The following C18orf63 variants were observed in gnomAD, a reference collection of about 807,000 sequenced individuals.
The protein encoded by C18orf63 is uncharacterized protein C18orf63.
A neutral mutation model predicts 75.3 loss-of-function variants in C18orf63; 50 were observed. That is an observed-to-expected ratio of 0.66 (90% CI 0.53 to 0.84). The LOEUF (loss-of-function observed/expected upper bound fraction) is 0.84. Ranked by LOEUF, C18orf63 falls within the 40% of genes least tolerant of loss-of-function variation. The probability of loss-of-function intolerance (pLI) is 0.00; values close to 1 mark genes in which losing one functional copy is unlikely to be tolerated. For missense variants in C18orf63, 732 were observed against 800.2 expected, an observed-to-expected ratio of 0.91 and a Z score of 1.03; for synonymous variants, 232 against 267.6, an observed-to-expected ratio of 0.87 and a Z score of 1.30.
Position 74,322,678 on chromosome 18 carries a change from A to T in C18orf63, c.214-20A>T. On this transcript the variant is annotated intron_variant, in intron 3 of 13. Coordinates refer to ENST00000579455, the MANE Select transcript of C18orf63 (RefSeq NM_001174123.2). ...ATATATATGTTAAGTCCTTTTTATA[A>T]ATGTGGATTTTTGTTACAGATACCA... is the stretch of plus-strand genomic sequence containing the variant. 1 of 1,029,862 alleles carries T rather than the reference A, an allele frequency of 9.7e-7. No homozygotes were observed. The highest frequency in any genetic ancestry group is 1.4e-6 in the Non-Finnish European group (1 of 719,240). The allele number at this position is 1,029,862 out of a possible 1,614,324, so 63.8% of individuals were successfully genotyped here.
intron 7 of C18orf63, among the ~76,000 whole-genome samples, chr18:74,333,027 T>A (rs1217078054): frequency 6.6e-6 from 1 of 152,188 alleles, no homozygotes; most frequent in Non-Finnish European, 1.5e-5. Context: ...AGATTATAAT[T>A]TATCCTCAAA....
At chr18:74,336,012 G>A (rs1466975423) in intron 7 of C18orf63, among the ~76,000 whole-genome samples, 1 of 152,080 alleles carries the variant, frequency 6.6e-6, no homozygotes, top group African/African-American at 2.4e-5. Flanking sequence ...TTCTAGGGTT[G>A]TAAGGAGGTT....
In C18orf63 at chr18:74,353,852, C is replaced by T. The variant is rs187805055; in HGVS notation, c.1585C>T (p.Arg529Cys). 2.6e-4 allele frequency: 402 copies of T among 1,535,852 alleles called. No homozygotes were observed. In the African/African-American group the frequency reaches 3.7e-3, roughly 14 times the overall value. The stretch of plus-strand genomic sequence containing the variant: ...AAATATGACAAAATTTCCCTCTTCT[C>T]GTGGAAAATCGACTGTGAGTTTAAA... ...SENMTKFPSSRGKSTVSLNKN... is the reference protein window; with the variant it reads ...SENMTKFPSSCGKSTVSLNKN... Residue 529 changes from arginine to cysteine, a missense_variant, in exon 12 of 14, where the codon CGT becomes TGT. By Grantham distance (180) the Arg-to-Cys change is radical. Coordinates refer to ENST00000579455, the MANE Select transcript of C18orf63 (RefSeq NM_001174123.2).
intron 7 of C18orf63, among the ~76,000 whole-genome samples, chr18:74,331,713 G>A (rs914818433): frequency 3.3e-5 from 5 of 152,140 alleles, no homozygotes; most frequent in Non-Finnish European, 7.3e-5. Context: ...CAATAGTGTG[G>A]AGGTTGAGAA....
In C18orf63 at chr18:74,358,374, T is replaced by C. The variant is rs1321687919; in HGVS notation, c.*1927T>C. The stretch of plus-strand genomic sequence containing the variant: ...TTATAAAAATATATGCATATATTTA[T>C]ATGTGAGATTTAATATAGATAGGTA... On this transcript the variant is annotated 3_prime_UTR_variant, in exon 14 of 14. Coordinates refer to ENST00000579455, the MANE Select transcript of C18orf63 (RefSeq NM_001174123.2). 6.6e-6 allele frequency: 1 copy of C among 152,172 alleles called. No homozygotes were observed. Among genetic ancestry groups the C allele is most frequent in the Non-Finnish European group, 1.5e-5 (1 of 68,022 alleles). The allele number at this position is 152,172 out of a possible 1,614,324, so 9.4% of individuals were successfully genotyped here. A position where few individuals can be genotyped will look rare whatever the true frequency, so the allele number is the denominator to read the frequency against.
At chr18:74,324,294 A>G (rs1984172409) in intron 4 of C18orf63, among the ~76,000 whole-genome samples, 1 of 152,218 alleles carries the variant, frequency 6.6e-6, no homozygotes, top group South Asian at 2.1e-4. Context: ...TCATTCACTG[A>G]TTCACCAAAA....
At chr18:74,324,589 G>A (rs1458543593) in intron 4 of C18orf63, among the ~76,000 whole-genome samples, 2 of 152,074 alleles carry the variant, frequency 1.3e-5, no homozygotes, top group Non-Finnish European at 2.9e-5. Context: ...TTACTGTATT[G>A]ATTTAATAAA....
intron 11 of C18orf63, 120 bp from the exon 12 acceptor site, chr18:74,353,126 G>C (rs1311695007): frequency 2.8e-6 from 2 of 719,980 alleles, no homozygotes; most frequent in East Asian, 5.4e-5. Flanking sequence ...TTCTTTACCT[G>C]TTCTGTAAAT....
At chr18:74,331,674 C>T (rs973071768) in intron 7 of C18orf63, among the ~76,000 whole-genome samples, 1 of 152,128 alleles carries the variant, frequency 6.6e-6, no homozygotes, top group Non-Finnish European at 1.5e-5. Flanking sequence ...ATCTTATCCC[C>T]ACCCACAGAA....
intron 13 of C18orf63, among the ~76,000 whole-genome samples, chr18:74,355,888 A>G (rs537221227): frequency 1.4e-4 from 22 of 152,018 alleles, no homozygotes; most frequent in South Asian, 4.2e-4. Context: ...ACAGAGTGAG[A>G]CTCTGTCCCC....
chr18:74,316,405 T>C (rs764391146), intron 1 of C18orf63, among the ~76,000 whole-genome samples: 10 of 152,238 alleles, frequency 6.6e-5, no homozygotes, highest in Admixed American at 1.3e-4. Context: ...GGGTGGGCGC[T>C]CGCCTGGGGG....
In C18orf63 at chr18:74,338,843, A is replaced by T; in HGVS notation, c.611+19A>T. On this transcript the variant is annotated intron_variant, in intron 8 of 13. Transcript: ENST00000579455. ...TGCCAAGGTGAGATTTCAATTTGTA[A>T]TATCTAGGGTGGGTTCAAAATATGG... 8.6e-7 allele frequency: 1 copy of T among 1,163,200 alleles called. No homozygotes were observed. The highest frequency in any genetic ancestry group is 1.5e-5 in the African/African-American group (1 of 65,274). The allele number at this position is 1,163,200 out of a possible 1,614,324, so 72.1% of individuals were successfully genotyped here.
chr18:74,355,934 C>G (rs1185647000), intron 13 of C18orf63, among the ~76,000 whole-genome samples: 2 of 151,996 alleles, frequency 1.3e-5, no homozygotes, highest in East Asian at 1.9e-4. Context: ...TGGTGCATGC[C>G]TATAGTCCCA....
intron 7 of C18orf63, among the ~76,000 whole-genome samples, chr18:74,332,718 GAAA>G (rs11478149): frequency 2.1e-5 from 3 of 141,310 alleles, no homozygotes; most frequent in Non-Finnish European, 3.1e-5. Flanking sequence ...TCTTAGAGGG[GAAA>G]AAAAAAAAAA....
chr18:74,340,305 C>G (rs946139894), intron 8 of C18orf63, among the ~76,000 whole-genome samples: 1 of 152,052 alleles, frequency 6.6e-6, no homozygotes, highest in Non-Finnish European at 1.5e-5. Context: ...TCACAATGAG[C>G]GATCACCTCA....
rs1984783671 is a variant in C18orf63, at chr18:74,357,299, C to G, written c.*852C>G. On this transcript the variant is annotated 3_prime_UTR_variant, in exon 14 of 14. Transcript: ENST00000579455. ...AGCCCCTGAGTGCTGGTGGTCTAGT[C>G]TCAAGCAAATTCATTCTGGGTTCCT... 1 of 152,120 alleles carries G rather than the reference C, an allele frequency of 6.6e-6. No homozygotes were observed. The highest frequency in any genetic ancestry group is 1.5e-5 in the Non-Finnish European group (1 of 68,034). The allele number at this position is 152,120 out of a possible 1,614,324, so 9.4% of individuals were successfully genotyped here. A position where few individuals can be genotyped will look rare whatever the true frequency, so the allele number is the denominator to read the frequency against.
intron 7 of C18orf63, among the ~76,000 whole-genome samples, chr18:74,334,855 C>G (rs1984365824): frequency 1.3e-5 from 2 of 152,170 alleles, no homozygotes; most frequent in African/African-American, 4.8e-5. Context: ...AGCCTCATCT[C>G]CCATTACTGC....
In C18orf63 at chr18:74,321,847, T is replaced by A. The variant is rs1283273307; in HGVS notation, c.214-851T>A. On this transcript the variant is annotated intron_variant, in intron 3 of 13. Coordinates refer to ENST00000579455, the MANE Select transcript of C18orf63 (RefSeq NM_001174123.2). ...ATTCTGTAAAAAAAAAAAAAGTTGA[T>A]GTTTAAAAGTAGAAAATGGGATTAC... 2.0e-5 allele frequency among the ~76,000 whole-genome samples: 3 copies of A among 152,084 alleles called. No individual in the cohort carries two copies. The East Asian group carries it at 5.8e-4, about 29-fold the overall frequency.
In C18orf63 at chr18:74,353,916, T is replaced by C; in HGVS notation, c.1649T>C (p.Val550Ala). 6.5e-7 allele frequency: 1 copy of C among 1,535,778 alleles called. No individual in the cohort carries two copies. Among genetic ancestry groups the C allele is most frequent in the Non-Finnish European group, 8.7e-7 (1 of 1,146,572 alleles). ...CTATCTAATAGTGCAGTATTTGTGG[T>C]GTCAAATAACAATTTAGGGGTGGTA... ...KQLSNSAVFVVSNNNLGVVKS... is the reference protein window; with the variant it reads ...KQLSNSAVFVASNNNLGVVKS... Residue 550 changes from valine (V) to alanine (A), a missense_variant, in exon 12 of 14, where the codon GTG becomes GCG. Val to Ala is a moderately conservative substitution (Grantham distance 64). This residue lies in a region of C18orf63 where 495 missense variants were observed against 508.7 expected (regional missense o/e 0.97). Coordinates refer to ENST00000579455, the MANE Select transcript of C18orf63 (RefSeq NM_001174123.2).
Sources: allele counts gnomAD v4.1 joint callset (sites outside exome capture counted in the v4.1 genomes callset), GRCh38; gene constraint gnomAD v4.1.1; regional missense constraint gnomAD v4.1.1; transcripts MANE v1.5; gene names NCBI Gene and HGNC (gene_info 2026-07-23, HGNC 2026-07-21).